Variants in KHDC1 observed in about 807,000 individuals in gnomAD.
The protein encoded by KHDC1 is KH homology domain-containing protein 1.
Under a neutral mutation model 24.7 loss-of-function variants are expected in KHDC1, and 21 were observed. The observed-to-expected ratio is 0.85, with a 90% CI of 0.60 to 1.23. The LOEUF (loss-of-function observed/expected upper bound fraction) is 1.23. Among genes scored for constraint, KHDC1 ranks in the 50% most tolerant of loss-of-function variants. KHDC1 has a pLI of 0.00. For missense variants in KHDC1, 274 were observed against 298.5 expected (o/e 0.92, Z 0.61); for synonymous variants, 98 against 111.7 (o/e 0.88, Z 0.77).
intron 2 of KHDC1, among the ~76,000 whole-genome samples, chr6:73,289,035 C>T (rs991380250): frequency 4.0e-5 from 6 of 151,850 alleles, no homozygotes; most frequent in African/African-American, 1.4e-4. Context: ...ATGGATTAGG[C>T]ATAAGAATAA....
In KHDC1 at chr6:73,257,386, C is replaced by CA. The variant is rs1474831043; in HGVS notation, c.207-14857dup. On this transcript the variant is annotated intron_variant, in intron 2 of 4. Transcript: ENST00000370384. ...GCAACCAATTGAGGGTGTCTGGGCTCATGGTTGGGAATTTTTGTTTGTTTG... is the reference window on the plus strand; with the variant it reads ...GCAACCAATTGAGGGTGTCTGGGCTCAATGGTTGGGAATTTTTGTTTGTTTG... Among the ~76,000 whole-genome samples the CA allele has an allele frequency of 2.6e-5, 4 of 152,264 alleles. No individual in the cohort carries two copies. The East Asian group carries it at 7.7e-4, about 29-fold the overall frequency.
At chr6:73,245,614 C>T (rs1172210285) in intron 2 of KHDC1, among the ~76,000 whole-genome samples, 1 of 152,094 alleles carries the variant, frequency 6.6e-6, no homozygotes, top group Non-Finnish European at 1.5e-5. Flanking sequence ...TCTTGGAGAG[C>T]GTTCTCAAAT....
intron 2 of KHDC1, chr6:73,269,307 G>C (rs1353202826): frequency 1.3e-5 from 2 of 152,516 alleles, no homozygotes; most frequent in Admixed American, 1.3e-4. Flanking sequence ...GGCCAGCCCA[G>C]AAAGGGGCTC....
At chr6:73,289,397 C>T (rs976491011) in intron 2 of KHDC1, among the ~76,000 whole-genome samples, 7 of 140,218 alleles carry the variant, frequency 5.0e-5, no homozygotes, top group Non-Finnish European at 1.1e-4. Context: ...CTCCTGTAAT[C>T]CCAGCACTTT....
At chr6:73,252,412 AT>A (rs1224123568) in intron 2 of KHDC1, among the ~76,000 whole-genome samples, 3 of 152,182 alleles carry the variant, frequency 2.0e-5, no homozygotes, top group Non-Finnish European at 4.4e-5. Context: ...TTTAGAATAA[AT>A]TAGCTCTTCT....
chr6:73,262,990 TGAA>T (rs1767009403), intron 2 of KHDC1: 1 of 1,008,652 alleles, frequency 9.9e-7, no homozygotes, highest in South Asian at 4.1e-5. Flanking sequence ...ACGGTAGGAA[TGAA>T]GGAGGTGAGG....
intron 1 of KHDC1, chr6:73,293,304 A>G (rs1206356285): frequency 3.8e-5 from 21 of 557,904 alleles, no homozygotes; most frequent in Admixed American, 8.1e-5. Context: ...GATTTTAAAA[A>G]AACTCTAAAA....
At chr6:73,258,604 A>G (rs1766924767) in intron 2 of KHDC1, among the ~76,000 whole-genome samples, 1 of 152,210 alleles carries the variant, frequency 6.6e-6, no homozygotes, top group African/African-American at 2.4e-5. Flanking sequence ...GGAAGGATGC[A>G]TTTGACCATT....
At chr6:73,271,464 C>T (rs557364245) in intron 2 of KHDC1, among the ~76,000 whole-genome samples, 64 of 151,622 alleles carry the variant, frequency 4.2e-4, no homozygotes, top group African/African-American at 1.4e-3. Context: ...GCCTTGGCCT[C>T]CCAAAGTGCT....
At chr6:73,261,933 G>A (rs1013973232) in intron 2 of KHDC1, among the ~76,000 whole-genome samples, 1 of 150,944 alleles carries the variant, frequency 6.6e-6, no homozygotes, top group Non-Finnish European at 1.5e-5. Context: ...AAAAAGCCTA[G>A]CTGGGCAAGG....
intron 1 of KHDC1, among the ~76,000 whole-genome samples, chr6:73,302,383 G>A (rs993173286): frequency 1.3e-5 from 2 of 152,210 alleles, no homozygotes; most frequent in African/African-American, 2.4e-5. Flanking sequence ...AAAATGCACT[G>A]TTAGGAGATT....
chr6:73,302,468 A>G (rs116182973), intron 1 of KHDC1, among the ~76,000 whole-genome samples: 14 of 152,338 alleles, frequency 9.2e-5, no homozygotes, highest in Admixed American at 3.3e-4. Context: ...CCCAAGCTAT[A>G]TGGTAAAAGC....
intron 1 of KHDC1, chr6:73,292,070 T>C: frequency 6.2e-7 from 1 of 1,613,698 alleles, no homozygotes; most frequent in East Asian, 2.2e-5. Flanking sequence ...AGAAAAGGAA[T>C]TATTACAAGG....
intron 1 of KHDC1, among the ~76,000 whole-genome samples, chr6:73,295,364 C>T (rs1367808227): frequency 2.6e-5 from 4 of 152,190 alleles, no homozygotes; most frequent in Admixed American, 6.5e-5. Flanking sequence ...TTATAAATTA[C>T]CCAATCTCAG....
chr6:73,293,299 T>TA (rs369354323), intron 1 of KHDC1: 9 of 566,442 alleles, frequency 1.6e-5, no homozygotes, highest in Middle Eastern at 4.8e-4. Context: ...GAAAAGATTT[T>TA]AAAAAAACTC....
At chr6:73,276,883 A>C (rs1017132741) in intron 2 of KHDC1, among the ~76,000 whole-genome samples, 9 of 152,222 alleles carry the variant, frequency 5.9e-5, no homozygotes, top group Admixed American at 4.6e-4. Flanking sequence ...AAATAAATGT[A>C]AAATATACCT....
intron 2 of KHDC1, among the ~76,000 whole-genome samples, chr6:73,283,339 T>TA (rs59943075): frequency 0.034 from 5,203 of 151,798 alleles, 287 homozygotes; most frequent in African/African-American, 0.12. Flanking sequence ...TTTTTTTTTT[T>TA]AAAAAGAAGC....
At chr6:73,295,891 C>T (rs550354823) in intron 1 of KHDC1, among the ~76,000 whole-genome samples, 180 of 150,206 alleles carry the variant, frequency 1.2e-3, no homozygotes, top group African/African-American at 4.2e-3. Context: ...CCTGTTATCC[C>T]AGCACTCTGG....
Position 73,254,958 on chromosome 6 carries a change from C to T in KHDC1, c.207-12428G>A, listed in dbSNP as rs1010050261. ...CAGAGTTTGCAGTGAGTGGAGATCGCGCCATTGCACTCCAGCTTGAGGAAC... is the reference window on the plus strand; with the variant it reads ...CAGAGTTTGCAGTGAGTGGAGATCGTGCCATTGCACTCCAGCTTGAGGAAC... On this transcript the variant is annotated intron_variant, in intron 2 of 4. Coordinates refer to ENST00000370384, the Ensembl canonical transcript of KHDC1. 9.3e-5 allele frequency among the ~76,000 whole-genome samples: 14 copies of T among 151,174 alleles called. No individual in the cohort carries two copies. In the East Asian group the frequency reaches 1.6e-3, roughly 17 times the overall value.
Sources: gnomAD v4.1 joint callset for allele counts (sites outside exome capture counted in the v4.1 genomes callset) on GRCh38, gnomAD v4.1.1 for gene constraint, MANE v1.5 for transcripts, NCBI Gene and HGNC (gene_info 2026-07-23, HGNC 2026-07-21) for gene names.